The following TCF25 variants were observed in gnomAD, a reference collection of about 807,000 sequenced individuals.
TCF25 encodes the protein ribosome quality control complex subunit TCF25.
A neutral mutation model predicts 83.1 loss-of-function variants in TCF25; 41 were observed. That is an observed-to-expected ratio of 0.49 (90% CI 0.38 to 0.64). The LOEUF (loss-of-function observed/expected upper bound fraction) is 0.64, where lower values mean the gene tolerates loss of function less well. Among genes scored for constraint, TCF25 ranks in the 30% least tolerant of loss-of-function variants. The probability of loss-of-function intolerance (pLI) is 0.00; values close to 1 mark genes in which losing one functional copy is unlikely to be tolerated. For synonymous variants in TCF25, 458 were observed against 365.0 expected, an observed-to-expected ratio of 1.25 and a Z score of -2.90; for missense variants, 979 against 914.5, an observed-to-expected ratio of 1.07 and a Z score of -0.91.
Position 89,873,737 on chromosome 16 carries a change from T to G in TCF25, c.70T>G (p.Leu24Val). ...CCAGGAGCCCCTCGGGCCCGGCGCC[T>G]TGCATTTCGATCTCCGTGATGACGA... ...RGQEPLGPGA[L>V]HFDLRDDDDA... Residue 24 changes from leucine (L) to valine (V), a missense_variant, in exon 1 of 18, where the codon TTG (leucine) becomes GTG (valine). Transcript: ENST00000263346. 1 of 1,609,952 alleles carries G rather than the reference T, an allele frequency of 6.2e-7. No individual in the cohort carries two copies. The highest frequency in any genetic ancestry group is 8.5e-7 in the Non-Finnish European group (1 of 1,178,546).
chr16:89,909,567 A>C, intron 16 of TCF25: 1 of 155,476 alleles, frequency 6.4e-6, no homozygotes, highest in Non-Finnish European at 1.4e-5. Flanking sequence ...AGTCCCAGCT[A>C]CTCAGGAGGC....
In TCF25 at chr16:89,900,718, C is replaced by T. The variant is rs2044253171; in HGVS notation, c.1305C>T (p.Leu435=). The change falls in exon 12 of 18, where the codon CTC becomes CTT. Residue 435 remains leucine, a synonymous_variant. Coordinates refer to ENST00000263346, the MANE Select transcript of TCF25 (RefSeq NM_014972.3). The part of the protein sequence containing the change: ...AYFLLSQQTD[L]PECEQSSARQ... The stretch of plus-strand genomic sequence containing the variant: ...TCCTGCTGAGCCAGCAGACAGACCT[C>T]CCTGAGTGTGAGCAGAGCTCTGCCA... 6.2e-7 allele frequency: 1 copy of T among 1,607,004 alleles called. No homozygotes were observed. Among genetic ancestry groups the T allele is most frequent in the Non-Finnish European group, 8.5e-7 (1 of 1,173,966 alleles).
chr16:89,891,851 G>A (rs1461135216), intron 5 of TCF25, among the ~76,000 whole-genome samples: 3 of 152,100 alleles, frequency 2.0e-5, no homozygotes, highest in Non-Finnish European at 4.4e-5. Context: ...AAAACCCTTT[G>A]TAGAAATGGG....
At chr16:89,907,775 T>C (rs576934113) in intron 16 of TCF25, among the ~76,000 whole-genome samples, 89 of 1,266 alleles carry the variant, frequency 0.07, no homozygotes, top group Middle Eastern at 0.25. Context: ...CTCCTCCCAG[T>C]TCCCACCTCC....
At chr16:89,884,195 T>G in intron 2 of TCF25, 1 of 212,252 alleles carries the variant, frequency 4.7e-6, no homozygotes, top group Non-Finnish European at 9.7e-6. Flanking sequence ...TCAGAAGGGG[T>G]TGGCCAGGTG....
chr16:89,875,676 C>G (rs973633968), intron 1 of TCF25, among the ~76,000 whole-genome samples: 2 of 151,586 alleles, frequency 1.3e-5, no homozygotes, highest in Middle Eastern at 3.2e-3. Flanking sequence ...GCGCCCGCCA[C>G]CACGCCTGGC....
intron 1 of TCF25, among the ~76,000 whole-genome samples, chr16:89,875,114 C>G (rs759398006): frequency 6.6e-6 from 1 of 152,180 alleles, no homozygotes; most frequent in Non-Finnish European, 1.5e-5. Context: ...GTCCTCTCAC[C>G]TTGGCCTCTC....
chr16:89,879,255 G>A (rs1741821812), intron 1 of TCF25, among the ~76,000 whole-genome samples: 3 of 150,632 alleles, frequency 2.0e-5, no homozygotes, highest in African/African-American at 7.4e-5. Context: ...GTGCACAGAT[G>A]GGCTTCGGGG....
chr16:89,880,616 T>C (rs1256724076), intron 1 of TCF25, among the ~76,000 whole-genome samples: 1 of 150,424 alleles, frequency 6.6e-6, no homozygotes, highest in Non-Finnish European at 1.5e-5. Flanking sequence ...AAATTGGGTG[T>C]TGTGGCGTGT....
At chr16:89,906,881 G>C (rs1299597360) in intron 15 of TCF25, among the ~76,000 whole-genome samples, 1 of 152,108 alleles carries the variant, frequency 6.6e-6, no homozygotes, top group African/African-American at 2.4e-5. Flanking sequence ...CAACCCGAGG[G>C]CAGCTCAGGG....
rs559277410 is a variant in TCF25 at position 89,890,898 on chromosome 16, G to T, written c.615-1295G>T. ...TTTAAAAATTTAAGTCCTACCAAAA[G>T]ACTTACATGGAGAAGCCACAGTTTC... On this transcript the variant is annotated intron_variant, in intron 5 of 17. Coordinates refer to ENST00000263346, the MANE Select transcript of TCF25 (RefSeq NM_014972.3). Among the ~76,000 whole-genome samples, 3 of 152,054 alleles carry T rather than the reference G, an allele frequency of 2.0e-5. No individual in the cohort carries two copies. The South Asian group carries it at 6.2e-4, about 32-fold the overall frequency.
chr16:89,905,578 C>T (rs963961364), intron 14 of TCF25, among the ~76,000 whole-genome samples: 14 of 152,212 alleles, frequency 9.2e-5, no homozygotes, highest in African/African-American at 3.4e-4. Context: ...GCATCAGCAC[C>T]GTGGCTCTGT....
At position 89,883,446 on chromosome 16, in the gene TCF25, G is replaced by A. The variant is rs555452673; in HGVS notation, c.288G>A (p.Arg96=). Residue 96 remains arginine, a synonymous_variant, in exon 2 of 18, where the codon AGG becomes AGA. Transcript: ENST00000263346. Reference sequence around the variant, plus strand: ...CTGTGGCACCAGGGAACAAAGGAAGGGGTCAGCGTGGAAACACAGAGAGCA... The same window carrying A: ...CTGTGGCACCAGGGAACAAAGGAAGAGGTCAGCGTGGAAACACAGAGAGCA... ...TDAVAPGNKG[R]GQRGNTESKT... The A allele has an allele frequency of 1.9e-6, 3 of 1,614,000 alleles. No homozygotes were observed. The highest frequency in any genetic ancestry group is 2.5e-6 in the Non-Finnish European group (3 of 1,180,004).
At chr16:89,875,476 C>T (rs2042108864) in intron 1 of TCF25, among the ~76,000 whole-genome samples, 1 of 145,812 alleles carries the variant, frequency 6.9e-6, no homozygotes, top group South Asian at 2.2e-4. Flanking sequence ...ACATCCATCT[C>T]TCTAGAGTGT....
chr16:89,910,211 G>C (rs530918108), intron 16 of TCF25: 6 of 261,688 alleles, frequency 2.3e-5, no homozygotes, highest in Non-Finnish European at 3.7e-5. Context: ...GCTTAACGCA[G>C]GCCCTGGAAG....
At position 89,892,186 on chromosome 16, in the gene TCF25, TC is replaced by T; in HGVS notation, c.615-3del. 3 of 1,601,192 alleles carry T rather than the reference TC, an allele frequency of 1.9e-6. No homozygotes were observed. The highest frequency in any genetic ancestry group is 1.7e-5 in the Admixed American group (1 of 58,058). On this transcript the variant is annotated splice_region_variant and splice_polypyrimidine_tract_variant and intron_variant, in intron 5 of 17. Transcript: ENST00000263346. Reference sequence around the variant, plus strand: ...GTAAAGCTGTACCTGTGTCCCGTTCTCCCCAGGCCACGGCAGAGACAACGTG... The same window carrying T: ...GTAAAGCTGTACCTGTGTCCCGTTCTCCCAGGCCACGGCAGAGACAACGTG...
At chr16:89,910,242 G>A (rs1723184097) in intron 16 of TCF25, 1 of 327,482 alleles carries the variant, frequency 3.1e-6, no homozygotes, top group Non-Finnish European at 5.8e-6. Flanking sequence ...TGCGTAAGGA[G>A]TGGGTGCTGA....
chr16:89,874,342 G>A (rs1393701457), intron 1 of TCF25, among the ~76,000 whole-genome samples: 1 of 151,920 alleles, frequency 6.6e-6, no homozygotes, highest in Non-Finnish European at 1.5e-5. Context: ...GATGGCGTGG[G>A]CGGGGTTAAA....
chr16:89,910,702 G>A (rs776771112), intron 17 of TCF25, 39 bp downstream of exon 17: 1 of 1,600,226 alleles, frequency 6.2e-7, no homozygotes. Flanking sequence ...TCCCCAGTGG[G>A]TGCGGGCATA....
Sources: allele counts gnomAD v4.1 joint callset (sites outside exome capture counted in the v4.1 genomes callset), GRCh38; gene constraint gnomAD v4.1.1; transcripts MANE v1.5; gene names NCBI Gene and HGNC (gene_info 2026-07-23, HGNC 2026-07-21).